Variants in ABHD17B observed in about 807,000 individuals in gnomAD.
ABHD17B encodes the protein alpha/beta hydrolase domain-containing protein 17B.
In ABHD17B, 9 loss-of-function variants were observed where a neutral mutation model predicts 26.2. The observed-to-expected ratio is 0.34, with a 90% CI of 0.21 to 0.60. The LOEUF (loss-of-function observed/expected upper bound fraction) is 0.60. ABHD17B is among the 20% of genes least tolerant of loss of function. ABHD17B has a pLI of 0.80. For missense variants in ABHD17B, 224 were observed against 352.1 expected, an observed-to-expected ratio of 0.64 and a Z score of 2.91; for synonymous variants, 127 against 122.3, an observed-to-expected ratio of 1.04 and a Z score of -0.25.
chr9:71,866,893 A>G lies in ABHD17B; in HGVS notation c.761T>C (p.Val254Ala). 1 of 1,614,200 alleles carries G rather than the reference A, an allele frequency of 6.2e-7. No homozygotes were observed. Among genetic ancestry groups the G allele is most frequent in the Non-Finnish European group, 8.5e-7 (1 of 1,180,040 alleles). The change falls in exon 4 of 4, where the codon GTG becomes GCG. Residue 254 changes from valine (V) to alanine (A), a missense_variant. Transcript: ENST00000333421. ...TGCTCCTTCAACCCAGAGAGGCTCC[A>G]CAGGTCTTTGGCAACGTTCAAACAA... ...LALFERCQRP[V>A]EPLWVEGAGH...
intron 1 of ABHD17B, among the ~76,000 whole-genome samples, chr9:71,881,722 TAAAAATACA>T (rs1484191838): frequency 1.3e-5 from 2 of 151,904 alleles, no homozygotes; most frequent in Non-Finnish European, 2.9e-5. Context: ...CTGCCTCTAC[TAAAAATACA>T]AAAAATTAGC....
chr9:71,892,653 G>A (rs947756327), intron 1 of ABHD17B, among the ~76,000 whole-genome samples: 4 of 143,368 alleles, frequency 2.8e-5, no homozygotes, highest in African/African-American at 8.1e-5. Context: ...AAATTAATTT[G>A]GGGGGGGGAA....
At chr9:71,876,834 T>TA (rs1272000386) in intron 1 of ABHD17B, among the ~76,000 whole-genome samples, 1 of 152,062 alleles carries the variant, frequency 6.6e-6, no homozygotes, top group African/African-American at 2.4e-5. Flanking sequence ...CAAGGGTAGG[T>TA]ATAACATAAA....
intron 1 of ABHD17B, among the ~76,000 whole-genome samples, chr9:71,883,173 T>C (rs937352959): frequency 6.6e-6 from 1 of 152,172 alleles, no homozygotes; most frequent in African/African-American, 2.4e-5. Context: ...AATTGAGTTG[T>C]ATCTTAAATA....
chr9:71,878,089 T>C (rs1826330730), intron 1 of ABHD17B, among the ~76,000 whole-genome samples: 1 of 151,906 alleles, frequency 6.6e-6, no homozygotes, highest in African/African-American at 2.4e-5. Flanking sequence ...TAAATCTAGG[T>C]TTTAGTATAG....
chr9:71,862,533 T>C (rs756118616), downstream of ABHD17B: 1 of 1,571,062 alleles, frequency 6.4e-7, no homozygotes, highest in South Asian at 1.2e-5. Context: ...AAAGAGAAGA[T>C]AATGGAATAC....
chr9:71,888,460 T>C (rs187854083), intron 1 of ABHD17B, among the ~76,000 whole-genome samples: 53 of 152,326 alleles, frequency 3.5e-4, no homozygotes, highest in African/African-American at 1.3e-3. Context: ...CCCTAGTTTA[T>C]AAGTAAAATA....
chr9:71,868,597 G>A (rs185892711), intron 3 of ABHD17B, among the ~76,000 whole-genome samples: 1 of 152,146 alleles, frequency 6.6e-6, no homozygotes, highest in South Asian at 2.1e-4. Context: ...ATAAATACTT[G>A]GGTTTACTAT....
At chr9:71,872,375 AT>A (rs1011434725) in intron 2 of ABHD17B, among the ~76,000 whole-genome samples, 66 of 152,312 alleles carry the variant, frequency 4.3e-4, no homozygotes, top group African/African-American at 1.5e-3. Flanking sequence ...GCTGAAAATC[AT>A]TTTTCAAAGT....
intron 1 of ABHD17B, among the ~76,000 whole-genome samples, chr9:71,879,574 T>C (rs188668546): frequency 6.6e-6 from 1 of 152,228 alleles, no homozygotes; most frequent in Admixed American, 6.5e-5. Flanking sequence ...TAAATATTAG[T>C]GTCCAACTTA....
chr9:71,872,227 T>C (rs1292026168), intron 2 of ABHD17B, among the ~76,000 whole-genome samples: 1 of 152,198 alleles, frequency 6.6e-6, no homozygotes, highest in Non-Finnish European at 1.5e-5. Context: ...AAACTCCAAC[T>C]ATATTTTGGT....
downstream of ABHD17B, among the ~76,000 whole-genome samples, chr9:71,863,915 C>G (rs1181172623): frequency 2.6e-5 from 4 of 152,132 alleles, no homozygotes; most frequent in Non-Finnish European, 5.9e-5. Context: ...TTGTAAATAT[C>G]CTTTCACTGC....
chr9:71,892,652 T>TGG (rs111633493), intron 1 of ABHD17B, among the ~76,000 whole-genome samples: 4 of 127,968 alleles, frequency 3.1e-5, no homozygotes, highest in African/African-American at 1.2e-4. Context: ...CAAATTAATT[T>TGG]GGGGGGGGGA....
At chr9:71,910,041 G>A (rs1443279057) in intron 1 of ABHD17B, among the ~76,000 whole-genome samples, 1 of 151,936 alleles carries the variant, frequency 6.6e-6, no homozygotes, top group African/African-American at 2.4e-5. Context: ...GCCTACCTTA[G>A]AGTTCGAAAA....
intron 3 of ABHD17B, among the ~76,000 whole-genome samples, chr9:71,868,714 G>A (rs1030857249): frequency 2.0e-5 from 3 of 151,940 alleles, no homozygotes; most frequent in African/African-American, 7.3e-5. Flanking sequence ...TTTGAGACAG[G>A]GTCTCGCTCT....
chr9:71,908,174 T>G lies in ABHD17B; in HGVS notation c.-4+2460A>C, dbSNP rs556205390. On this transcript the variant is annotated intron_variant, in intron 1 of 3. Transcript: ENST00000333421. ...GGGAGGCCAAGGCGGGTGGATCACC[T>G]GAGGTCAGGAGTTGAAGACCAGCAT... Among the ~76,000 whole-genome samples, 3 of 152,194 alleles carry G rather than the reference T, an allele frequency of 2.0e-5. No individual in the cohort carries two copies. In the South Asian group the frequency reaches 6.2e-4, roughly 32 times the overall value.
chr9:71,882,847 A>T (rs1207342794), intron 1 of ABHD17B, among the ~76,000 whole-genome samples: 1 of 152,048 alleles, frequency 6.6e-6, no homozygotes, highest in Non-Finnish European at 1.5e-5. Context: ...TTCTGTGAAT[A>T]TATATATTAA....
chr9:71,904,286 C>T (rs1395042239), intron 1 of ABHD17B, among the ~76,000 whole-genome samples: 3 of 152,140 alleles, frequency 2.0e-5, no homozygotes, highest in Admixed American at 2.0e-4. Context: ...GACGTCATCC[C>T]CACCCTCCCA....
intron 1 of ABHD17B, among the ~76,000 whole-genome samples, chr9:71,889,931 A>G (rs77785424): frequency 2.0e-5 from 3 of 151,940 alleles, no homozygotes; most frequent in African/African-American, 7.3e-5. Flanking sequence ...TTTTAAAAAA[A>G]TCCATTATTT....
Sources: gnomAD v4.1 joint callset for allele counts (sites outside exome capture counted in the v4.1 genomes callset) on GRCh38, gnomAD v4.1.1 for gene constraint, MANE v1.5 for transcripts, NCBI Gene and HGNC (gene_info 2026-07-23, HGNC 2026-07-21) for gene names.